Variants in METTL25 observed in about 807,000 individuals in gnomAD.
The protein encoded by METTL25 is probable methyltransferase-like protein 25.
In METTL25, 64 loss-of-function variants were observed where a neutral mutation model predicts 71.6. That is an observed-to-expected ratio of 0.89 (90% confidence interval 0.73 to 1.10). The LOEUF (loss-of-function observed/expected upper bound fraction) is 1.10. Ranked by LOEUF, METTL25 falls within the 50% of genes least tolerant of loss-of-function variation. The probability of loss-of-function intolerance (pLI) is 0.00; values close to 1 mark genes in which losing one functional copy is unlikely to be tolerated. For synonymous variants in METTL25, 287 were observed against 250.3 expected, an observed-to-expected ratio of 1.15 and a Z score of -1.38; for missense variants, 807 against 707.0, an observed-to-expected ratio of 1.14 and a Z score of -1.60.
At chr12:82,451,434 T>A (rs1891139404) in intron 8 of METTL25, 1 of 190,078 alleles carries the variant, frequency 5.3e-6, no homozygotes, top group Non-Finnish European at 9.7e-6. Context: ...TTTTCCCATC[T>A]GTAAATTGGG....
chr12:82,373,864 T>G (rs1023181949), intron 1 of METTL25, among the ~76,000 whole-genome samples: 1 of 152,204 alleles, frequency 6.6e-6, no homozygotes, highest in Admixed American at 6.5e-5. Context: ...CTGGAGGTCA[T>G]GCTAGTCGCT....
At chr12:82,463,125 T>C (rs1197440071) in intron 9 of METTL25, among the ~76,000 whole-genome samples, 1 of 152,164 alleles carries the variant, frequency 6.6e-6, no homozygotes, top group Admixed American at 6.5e-5. Context: ...AGTATATTAT[T>C]GTTAACTATA....
intron 5 of METTL25, chr12:82,407,965 A>T: frequency 1.0e-6 from 1 of 985,158 alleles, no homozygotes; most frequent in Non-Finnish European, 1.2e-6. Context: ...GAACCATCCC[A>T]TGAAATTTTT....
rs560059853 is a variant in METTL25, at chr12:82,464,067, T to C, written c.1572+7247T>C. 2.6e-5 allele frequency among the ~76,000 whole-genome samples: 4 copies of C among 152,206 alleles called. No individual in the cohort carries two copies. In the South Asian group the frequency reaches 8.3e-4, roughly 31 times the overall value. On this transcript the variant is annotated intron_variant, in intron 9 of 11. Coordinates refer to ENST00000248306, the MANE Select transcript of METTL25 (RefSeq NM_032230.3). ...TCTTCTAGTCTGTAGATTGTCTTGT[T>C]CACTCTGATGATTGTTTTGTTTGCT...
chr12:82,389,327 A>G (rs973187765), intron 2 of METTL25, among the ~76,000 whole-genome samples: 2 of 152,116 alleles, frequency 1.3e-5, no homozygotes. Flanking sequence ...AATTGCAATA[A>G]TCACATGTGG....
rs770667481 is a variant in METTL25, at chr12:82,399,350, A to G, written c.1087A>G (p.Ile363Val). ...TATATATTCACCTTTAACCTCTTTT[A>G]TCACTGCTGATTCAGAACTCCATGA... The part of the protein sequence containing the change: ...SNIYSPLTSF[I>V]TADSELHDII... Residue 363 changes from isoleucine to valine, a missense_variant, in exon 4 of 12, where the codon ATC (isoleucine) becomes GTC (valine). Transcript: ENST00000248306. 1 of 1,602,576 alleles carries G rather than the reference A, an allele frequency of 6.2e-7. No homozygotes were observed. Among genetic ancestry groups the G allele is most frequent in the South Asian group, 1.1e-5 (1 of 88,428 alleles).
chr12:82,420,865 C>G (rs9804714), intron 5 of METTL25, among the ~76,000 whole-genome samples: 139,380 of 151,570 alleles, frequency 0.92, 64,419 homozygotes, highest in East Asian at 1. Flanking sequence ...TTTTTTTTTT[C>G]TCTTTTTGGA....
At chr12:82,446,084 G>A (rs1246489699) in intron 8 of METTL25, among the ~76,000 whole-genome samples, 1 of 151,988 alleles carries the variant, frequency 6.6e-6, no homozygotes, top group Non-Finnish European at 1.5e-5. Context: ...GACAAAGAAG[G>A]TCATTATATA....
intron 1 of METTL25, among the ~76,000 whole-genome samples, chr12:82,368,013 G>A (rs1882760504): frequency 6.6e-6 from 1 of 152,074 alleles, no homozygotes; most frequent in Admixed American, 6.6e-5. Context: ...AAAAGTAAAT[G>A]AGATATATAT....
intron 9 of METTL25, among the ~76,000 whole-genome samples, chr12:82,464,705 T>C (rs1202427131): frequency 6.6e-6 from 1 of 151,992 alleles, no homozygotes; most frequent in Non-Finnish European, 1.5e-5. Context: ...CTTTGGGTAG[T>C]ATGGTCATTT....
chr12:82,400,781 C>T (rs576250991), intron 4 of METTL25, among the ~76,000 whole-genome samples: 18 of 152,168 alleles, frequency 1.2e-4, no homozygotes, highest in South Asian at 4.1e-4. Flanking sequence ...ATTCCCCCTA[C>T]CCTCTCGCAA....
At chr12:82,421,648 G>A (rs537607628) in intron 5 of METTL25, among the ~76,000 whole-genome samples, 1 of 152,122 alleles carries the variant, frequency 6.6e-6, no homozygotes, top group South Asian at 2.1e-4. Context: ...TAGACCACTA[G>A]CAAGACTAAT....
At chr12:82,399,948 C>CAAAAAAA (rs11404604) in intron 4 of METTL25, among the ~76,000 whole-genome samples, 1 of 142,056 alleles carries the variant, frequency 7.0e-6, no homozygotes, top group African/African-American at 2.6e-5. Context: ...CTCATTGTCT[C>CAAAAAAA]AAAAAAAAAA....
chr12:82,403,213 T>G, intron 5 of METTL25, 83 bp downstream of exon 5: 3 of 1,335,046 alleles, frequency 2.2e-6, no homozygotes, highest in Non-Finnish European at 3.1e-6. Context: ...TCTCCCCGTT[T>G]TTTCGTCATT....
chr12:82,382,728 T>G (rs1462093631), intron 1 of METTL25, among the ~76,000 whole-genome samples: 1 of 152,178 alleles, frequency 6.6e-6, no homozygotes, highest in East Asian at 1.9e-4. Context: ...TTAAAACTTT[T>G]TTTTTGACTC....
chr12:82,387,135 A>G (rs1271856171), intron 2 of METTL25, among the ~76,000 whole-genome samples, 168 bp downstream of exon 2: 1 of 152,158 alleles, frequency 6.6e-6, no homozygotes, highest in Non-Finnish European at 1.5e-5. Flanking sequence ...CCCTTGTACT[A>G]TATTAAACAG....
intron 1 of METTL25, among the ~76,000 whole-genome samples, chr12:82,360,006 A>G (rs533471052): frequency 2.0e-4 from 30 of 152,330 alleles, no homozygotes; most frequent in East Asian, 9.6e-4. Context: ...AATTTTACTT[A>G]AACTCCAAAA....
chr12:82,456,710 T>G lies in METTL25; in HGVS notation c.1479-17T>G. ...TACATTGGAAAAACTAAAAATTTATTCAATTTTGTTTTACAGTGATCGGCA... is the reference window on the plus strand; with the variant it reads ...TACATTGGAAAAACTAAAAATTTATGCAATTTTGTTTTACAGTGATCGGCA... On this transcript the variant is annotated splice_polypyrimidine_tract_variant and intron_variant, in intron 8 of 11. Coordinates refer to ENST00000248306, the MANE Select transcript of METTL25 (RefSeq NM_032230.3). The G allele has an allele frequency of 1.4e-6, 2 of 1,465,804 alleles. No individual in the cohort carries two copies. The highest frequency in any genetic ancestry group is 1.9e-6 in the Non-Finnish European group (2 of 1,073,824). The allele number at this position is 1,465,804 out of a possible 1,614,324, so 90.8% of individuals were successfully genotyped here.
At chr12:82,450,790 A>T (rs1891088130) in intron 8 of METTL25, among the ~76,000 whole-genome samples, 1 of 152,122 alleles carries the variant, frequency 6.6e-6, no homozygotes, top group African/African-American at 2.4e-5. Context: ...GCCTTTAATT[A>T]TGCCACATTC....
Sources: gnomAD v4.1 joint callset for allele counts (sites outside exome capture counted in the v4.1 genomes callset) on GRCh38, gnomAD v4.1.1 for gene constraint, MANE v1.5 for transcripts, NCBI Gene and HGNC (gene_info 2026-07-23, HGNC 2026-07-21) for gene names.